The following ST6GALNAC3 variants were observed in gnomAD, a reference collection of about 807,000 sequenced individuals.
ST6GALNAC3 encodes the protein ST6 N-acetylgalactosaminide alpha-2,6-sialyltransferase 3, also known as alpha-N-acetylgalactosaminide alpha-2,6-sialyltransferase 3.
In ST6GALNAC3, 25 loss-of-function variants were observed where a neutral mutation model predicts 32.7. The ratio of observed to expected loss-of-function variants is 0.76; its 90% CI spans 0.56 to 1.07. The LOEUF is 1.07. Ranked by LOEUF, ST6GALNAC3 falls within the 50% of genes least tolerant of loss-of-function variation. The pLI is 0.00. For synonymous variants in ST6GALNAC3, 129 were observed against 133.1 expected (o/e 0.97, Z 0.21); for missense variants, 355 against 382.4 (o/e 0.93, Z 0.60).
chr1:76,349,964 A>G (rs1648834927), intron 2 of ST6GALNAC3, among the ~76,000 whole-genome samples: 1 of 152,198 alleles, frequency 6.6e-6, no homozygotes, highest in African/African-American at 2.4e-5. Flanking sequence ...AGATGTATTT[A>G]AAGTTTCTAA....
Position 76,412,054 on chromosome 1 carries a change from G to C in ST6GALNAC3, c.260G>C (p.Gly87Ala). The change falls in exon 3 of 5, where the codon GGT (glycine) becomes GCT (alanine). Residue 87 changes from glycine (G) to alanine (A), a missense_variant. Transcript: ENST00000328299. ...CDLCAIVSNS[G>A]QMVGQKVGNE... ...CTTTGTGCCATAGTGTCAAACTCAG[G>C]TCAGATGGTTGGCCAGAAGGTGGGA... The C allele has an allele frequency of 6.2e-7, 1 of 1,613,574 alleles. No homozygotes were observed. The highest frequency in any genetic ancestry group is 8.5e-7 in the Non-Finnish European group (1 of 1,179,734).
intron 1 of ST6GALNAC3, among the ~76,000 whole-genome samples, chr1:76,198,784 C>T (rs551441088): frequency 6.6e-6 from 1 of 152,098 alleles, no homozygotes; most frequent in Non-Finnish European, 1.5e-5. Context: ...CTTGTGACAG[C>T]CAAGTGGAGA....
At chr1:76,272,324 G>GGA (rs1658893715) in intron 1 of ST6GALNAC3, among the ~76,000 whole-genome samples, 1 of 112,064 alleles carries the variant, frequency 8.9e-6, no homozygotes, top group Admixed American at 9.5e-5. Context: ...CTCAGTCTCG[G>GGA]AAAAAAAAAA....
At chr1:76,218,476 T>A (rs2100596693) in intron 1 of ST6GALNAC3, among the ~76,000 whole-genome samples, 1 of 152,328 alleles carries the variant, frequency 6.6e-6, no homozygotes, top group African/African-American at 2.4e-5. Flanking sequence ...GCTGGTATGG[T>A]GAGGATAACT....
At chr1:76,573,744 A>G (rs11806300) in intron 3 of ST6GALNAC3, among the ~76,000 whole-genome samples, 10,418 of 151,994 alleles carry the variant, frequency 0.069, 370 homozygotes, top group Middle Eastern at 0.095. Flanking sequence ...AATAAAAAAT[A>G]AACACATTTG....
rs145944420 is a variant in ST6GALNAC3 at position 76,576,725 on chromosome 1, G to A, written c.624-50727G>A. 6.6e-4 allele frequency: 492 copies of A among 743,994 alleles called. 1 individual carries two copies. In the African/African-American group the frequency reaches 8.4e-3, roughly 13 times the overall value. The allele number at this position is 743,994 out of a possible 1,614,324, so 46.1% of individuals were successfully genotyped here. On this transcript the variant is annotated intron_variant, in intron 3 of 4. Coordinates refer to ENST00000328299, the MANE Select transcript of ST6GALNAC3 (RefSeq NM_152996.4). ...AATGCCAGAGGAAAAGCTCTGGGGA[G>A]CCTGATTAATCAGTTTCACAGTAGG...
At chr1:76,220,053 C>G (rs1353244260) in intron 1 of ST6GALNAC3, among the ~76,000 whole-genome samples, 2 of 152,122 alleles carry the variant, frequency 1.3e-5, no homozygotes, top group African/African-American at 2.4e-5. Flanking sequence ...ATGGCAAACT[C>G]AAAAGTAGAA....
intron 1 of ST6GALNAC3, among the ~76,000 whole-genome samples, chr1:76,078,891 G>A (rs574783211): frequency 7.0e-4 from 106 of 151,968 alleles, no homozygotes; most frequent in Non-Finnish European, 1.2e-3. Flanking sequence ...AGCAATTCTC[G>A]TGCCTCAGCC....
At chr1:76,236,012 G>C (rs1410983670) in intron 1 of ST6GALNAC3, among the ~76,000 whole-genome samples, 1 of 151,940 alleles carries the variant, frequency 6.6e-6, no homozygotes, top group African/African-American at 2.4e-5. Context: ...GTCCCACTCT[G>C]TTGCCCAGGC....
At chr1:76,506,572 T>C (rs1393045251) in intron 3 of ST6GALNAC3, among the ~76,000 whole-genome samples, 5 of 152,226 alleles carry the variant, frequency 3.3e-5, no homozygotes, top group Non-Finnish European at 5.9e-5. Flanking sequence ...CTGCGTTTGG[T>C]TCCATATTGG....
Position 76,633,065 on chromosome 1 carries a change from G to C in ST6GALNAC3, c.*4259G>C, listed in dbSNP as rs1273044698. On this transcript the variant is annotated 3_prime_UTR_variant, in exon 5 of 5. Coordinates refer to ENST00000328299, the MANE Select transcript of ST6GALNAC3 (RefSeq NM_152996.4). ...GTAGGTCAGGCTTTTAGAGCTGAAA[G>C]AGATTTTAAAGACCAGCCAATTCAA... 2.6e-5 allele frequency: 4 copies of C among 152,206 alleles called. No individual in the cohort carries two copies. Among genetic ancestry groups the C allele is most frequent in the African/African-American group, 9.6e-5 (4 of 41,452 alleles). The allele number at this position is 152,206 out of a possible 1,614,324, so 9.4% of individuals were successfully genotyped here. A position where few individuals can be genotyped will look rare whatever the true frequency, so the allele number is the denominator to read the frequency against.
At chr1:76,357,415 C>G (rs544145462) in intron 2 of ST6GALNAC3, among the ~76,000 whole-genome samples, 2 of 152,228 alleles carry the variant, frequency 1.3e-5, no homozygotes, top group South Asian at 4.1e-4. Flanking sequence ...GCTGGTTTTC[C>G]AACCTTATTT....
chr1:76,583,298 C>T (rs534437840), intron 3 of ST6GALNAC3, among the ~76,000 whole-genome samples: 5 of 152,094 alleles, frequency 3.3e-5, no homozygotes, highest in Admixed American at 2.0e-4. Flanking sequence ...CCATAATGGC[C>T]GACAAAATGT....
chr1:76,178,124 C>T (rs1026689935), intron 1 of ST6GALNAC3, among the ~76,000 whole-genome samples: 2 of 152,200 alleles, frequency 1.3e-5, no homozygotes, highest in Non-Finnish European at 2.9e-5. Context: ...ACTCTGTGCC[C>T]TTCAGAGGCT....
chr1:76,497,462 AT>A (rs1490289503), intron 3 of ST6GALNAC3, among the ~76,000 whole-genome samples: 3 of 152,234 alleles, frequency 2.0e-5, no homozygotes, highest in Non-Finnish European at 4.4e-5. Context: ...ATGTGAAGAA[AT>A]TAGCTGCAAG....
At chr1:76,322,822 G>A (rs1646994943) in intron 2 of ST6GALNAC3, among the ~76,000 whole-genome samples, 1 of 143,774 alleles carries the variant, frequency 7.0e-6, no homozygotes, top group Non-Finnish European at 1.5e-5. Context: ...CATTTGCCAA[G>A]TATTTAATAA....
intron 3 of ST6GALNAC3, among the ~76,000 whole-genome samples, chr1:76,575,318 G>A (rs896890043): frequency 2.0e-5 from 3 of 152,050 alleles, no homozygotes; most frequent in Non-Finnish European, 4.4e-5. Flanking sequence ...GAAAGCTGGT[G>A]TCCTATCCTC....
chr1:76,522,559 T>C (rs765342673), intron 3 of ST6GALNAC3, among the ~76,000 whole-genome samples: 11 of 152,218 alleles, frequency 7.2e-5, no homozygotes, highest in Non-Finnish European at 1.3e-4. Context: ...AGCTTGGTAC[T>C]GTATGTATCC....
In ST6GALNAC3 at chr1:76,403,049, G is replaced by GA. The variant is rs201369890; in HGVS notation, c.214-8949dup. 6.5e-3 allele frequency among the ~76,000 whole-genome samples: 967 copies of GA among 147,988 alleles called. 9 individuals carry two copies. Among genetic ancestry groups the GA allele is most frequent in the African/African-American group, 0.022 (876 of 40,408 alleles). ...TTCAGCCCAGAAAGCAAAACAAAATGAAAAAAAAAATCTGTATTGAGTGAA... is the reference window on the plus strand; with the variant it reads ...TTCAGCCCAGAAAGCAAAACAAAATGAAAAAAAAAAATCTGTATTGAGTGAA... On this transcript the variant is annotated intron_variant, in intron 2 of 4. Transcript: ENST00000328299.
Sources: gnomAD v4.1 joint callset for allele counts (sites outside exome capture counted in the v4.1 genomes callset) on GRCh38, gnomAD v4.1.1 for gene constraint, MANE v1.5 for transcripts, NCBI Gene and HGNC (gene_info 2026-07-23, HGNC 2026-07-21) for gene names.